Variants in ZNF704 observed in about 807,000 individuals in gnomAD.
ZNF704 encodes the protein zinc finger protein 704, also known as glucocorticoid induced gene 1.
A neutral mutation model predicts 44.7 loss-of-function variants in ZNF704; 10 were observed. The observed-to-expected ratio is 0.22, with a 90% CI of 0.14 to 0.38. ZNF704 has a LOEUF of 0.38. ZNF704 is among the 10% of genes least tolerant of loss of function. ZNF704 has a pLI of 1.00. For missense variants in ZNF704, 390 were observed against 545.5 expected (o/e 0.71, Z 2.84); for synonymous variants, 211 against 207.6 (o/e 1.02, Z -0.14).
intron 2 of ZNF704, among the ~76,000 whole-genome samples, chr8:80,745,182 A>C (rs1017086817): frequency 1.3e-5 from 2 of 152,216 alleles, no homozygotes; most frequent in African/African-American, 4.8e-5. Flanking sequence ...TATTTGATAT[A>C]AACATTTCAA....
intron 2 of ZNF704, among the ~76,000 whole-genome samples, chr8:80,791,068 T>C (rs1025861336): frequency 5.3e-5 from 8 of 152,086 alleles, no homozygotes; most frequent in African/African-American, 7.2e-5. Context: ...TCCTGCTGAA[T>C]TGATGTGGAG....
chr8:80,679,367 C>T (rs1818416500), intron 4 of ZNF704, among the ~76,000 whole-genome samples: 1 of 149,400 alleles, frequency 6.7e-6, no homozygotes, highest in Non-Finnish European at 1.5e-5. Flanking sequence ...AAAAGCAAGC[C>T]ATGGGAGGAG....
intron 7 of ZNF704, among the ~76,000 whole-genome samples, chr8:80,643,458 A>G (rs1817777031): frequency 7.2e-6 from 1 of 139,320 alleles, no homozygotes; most frequent in Middle Eastern, 3.5e-3. Context: ...CGGAGGTTGC[A>G]GTGAGCTGAG....
intron 2 of ZNF704, among the ~76,000 whole-genome samples, chr8:80,729,995 T>G (rs563525171): frequency 6.6e-6 from 1 of 152,268 alleles, no homozygotes; most frequent in South Asian, 2.1e-4. Context: ...TATGCCCCAT[T>G]CGAACACCTA....
intron 2 of ZNF704, among the ~76,000 whole-genome samples, chr8:80,736,117 G>A (rs546114391): frequency 2.5e-4 from 38 of 152,248 alleles, no homozygotes; most frequent in African/African-American, 9.1e-4. Context: ...TTCAAAGAAG[G>A]CTACATATAA....
chr8:80,814,927 G>A (rs762494314), intron 2 of ZNF704, among the ~76,000 whole-genome samples: 6 of 152,010 alleles, frequency 3.9e-5, no homozygotes, highest in Non-Finnish European at 7.4e-5. Context: ...GCGACTTTCC[G>A]ATAAACTGTC....
intron 1 of ZNF704, among the ~76,000 whole-genome samples, chr8:80,846,559 T>C (rs1029432351): frequency 6.6e-6 from 1 of 152,126 alleles, no homozygotes; most frequent in Non-Finnish European, 1.5e-5. Context: ...AATAAGTCAA[T>C]CAGTTAATTT....
At chr8:80,765,599 A>C (rs1489582) in intron 2 of ZNF704, among the ~76,000 whole-genome samples, 35,172 of 152,080 alleles carry the variant, frequency 0.23, 5,888 homozygotes, top group African/African-American at 0.47. Flanking sequence ...ACACTATTTT[A>C]TTCCCCAGAA....
intron 2 of ZNF704, among the ~76,000 whole-genome samples, chr8:80,734,657 T>C (rs1212390909): frequency 1.3e-5 from 2 of 152,224 alleles, no homozygotes; most frequent in South Asian, 2.1e-4. Context: ...TTATCAACAA[T>C]AGAAAGATGA....
intron 2 of ZNF704, among the ~76,000 whole-genome samples, chr8:80,791,851 T>A (rs914008903): frequency 6.6e-6 from 1 of 152,298 alleles, no homozygotes; most frequent in South Asian, 2.1e-4. Context: ...TCTCAGGACA[T>A]CCATGCAGAG....
At chr8:80,797,334 T>G (rs1236611431) in intron 2 of ZNF704, among the ~76,000 whole-genome samples, 3 of 152,164 alleles carry the variant, frequency 2.0e-5, no homozygotes, top group African/African-American at 7.2e-5. Flanking sequence ...CCCATATTTC[T>G]GCTTGGCATT....
chr8:80,785,597 T>C lies in ZNF704; in HGVS notation c.221+35777A>G, dbSNP rs150250882. Among the ~76,000 whole-genome samples, 717 of 152,326 alleles carry C rather than the reference T, an allele frequency of 4.7e-3. 4 individuals carry two copies. Among genetic ancestry groups the C allele is most frequent in the Non-Finnish European group, 7.4e-3 (505 of 68,018 alleles). On this transcript the variant is annotated intron_variant, in intron 2 of 8. Coordinates refer to ENST00000327835, the MANE Select transcript of ZNF704 (RefSeq NM_001033723.3). The stretch of plus-strand genomic sequence containing the variant: ...ATAGTTTGGGTTAACCATCCAATAC[T>C]ACTTTACTTTGTTGCTTAAGCTGTC...
At chr8:80,792,467 A>ACC (rs1807725704) in intron 2 of ZNF704, among the ~76,000 whole-genome samples, 1 of 152,150 alleles carries the variant, frequency 6.6e-6, no homozygotes, top group East Asian at 1.9e-4. Flanking sequence ...GCAGACCATG[A>ACC]TATAATCCCT....
chr8:80,641,571 A>AG, intron 8 of ZNF704, 94 bp from the exon 9 acceptor site: 1 of 286,510 alleles, frequency 3.5e-6, no homozygotes, highest in Non-Finnish European at 5.4e-6. Flanking sequence ...TGAGGGAGGA[A>AG]AAAAAAAAAA....
rs1817671863 is a variant in ZNF704 at position 80,636,934 on chromosome 8, T to G, written c.*4432A>C. The G allele has an allele frequency of 6.6e-6, 1 of 152,218 alleles. No homozygotes were observed. The highest frequency in any genetic ancestry group is 1.5e-5 in the Non-Finnish European group (1 of 68,042). The allele number at this position is 152,218 out of a possible 1,614,324, so 9.4% of individuals were successfully genotyped here. A position where few individuals can be genotyped will look rare whatever the true frequency, so the allele number is the denominator to read the frequency against. On this transcript the variant is annotated 3_prime_UTR_variant, in exon 9 of 9. Coordinates refer to ENST00000327835, the MANE Select transcript of ZNF704 (RefSeq NM_001033723.3). The stretch of plus-strand genomic sequence containing the variant: ...CTTGCTTTCGCCTACGGAATTCTGC[T>G]GATAGCTAATAAACAGTCATCCATT...
At chr8:80,819,385 A>T (rs1808227792) in intron 2 of ZNF704, among the ~76,000 whole-genome samples, 1 of 152,184 alleles carries the variant, frequency 6.6e-6, no homozygotes, top group Non-Finnish European at 1.5e-5. Context: ...GAATTAAAGA[A>T]TAAAGGTATA....
chr8:80,641,331 G>T lies in ZNF704; in HGVS notation c.*35C>A. 6.9e-7 allele frequency: 1 copy of T among 1,440,140 alleles called. No homozygotes were observed. Among genetic ancestry groups the T allele is most frequent in the Non-Finnish European group, 9.5e-7 (1 of 1,057,454 alleles). The allele number at this position is 1,440,140 out of a possible 1,614,324, so 89.2% of individuals were successfully genotyped here. The stretch of plus-strand genomic sequence containing the variant: ...GCAGTGGCAGGCCAGGGCAGGAGCG[G>T]CTCAGGGCCCTGAGCCCCTCTGCCT... On this transcript the variant is annotated 3_prime_UTR_variant, in exon 9 of 9. Coordinates refer to ENST00000327835, the MANE Select transcript of ZNF704 (RefSeq NM_001033723.3).
At chr8:80,709,167 AG>A (rs1370694426) in intron 2 of ZNF704, among the ~76,000 whole-genome samples, 1 of 152,088 alleles carries the variant, frequency 6.6e-6, no homozygotes, top group African/African-American at 2.4e-5. Context: ...AGTTCAGGCC[AG>A]GTGTGGAGGC....
intron 4 of ZNF704, among the ~76,000 whole-genome samples, chr8:80,673,896 T>C (rs1818319746): frequency 6.6e-6 from 1 of 152,236 alleles, no homozygotes; most frequent in Non-Finnish European, 1.5e-5. Flanking sequence ...GGGCCCACTG[T>C]GCCCCAGAGG....
Sources: allele counts gnomAD v4.1 joint callset (sites outside exome capture counted in the v4.1 genomes callset), GRCh38; gene constraint gnomAD v4.1.1; transcripts MANE v1.5; gene names NCBI Gene and HGNC (gene_info 2026-07-23, HGNC 2026-07-21).